The following SPOCK3 variants were observed in gnomAD, a reference collection of about 807,000 sequenced individuals.
SPOCK3 encodes SPARC (osteonectin), cwcv and kazal like domains proteoglycan 3, also known as testican-3.
SPOCK3 carries 30 observed loss-of-function variants against 56.6 expected under a neutral mutation model. The observed-to-expected ratio is 0.53, with a 90% confidence interval of 0.40 to 0.72. SPOCK3 has a LOEUF of 0.72. Ranked by LOEUF, SPOCK3 falls within the 30% of genes least tolerant of loss-of-function variation. SPOCK3 has a pLI of 0.00. For missense variants in SPOCK3, 527 were observed against 530.0 expected (o/e 0.99, Z 0.06); for synonymous variants, 196 against 183.3 (o/e 1.07, Z -0.56).
intron 4 of SPOCK3, among the ~76,000 whole-genome samples, chr4:166,969,958 T>G (rs1745201623): frequency 6.6e-6 from 1 of 152,200 alleles, no homozygotes; most frequent in Non-Finnish European, 1.5e-5. Flanking sequence ...TTTTTCTATG[T>G]CAATATACAC....
intron 7 of SPOCK3, among the ~76,000 whole-genome samples, chr4:166,784,726 A>G (rs1173267842): frequency 6.6e-6 from 1 of 152,138 alleles, no homozygotes. Flanking sequence ...AGTGAGCAGT[A>G]TCTTGGTAAG....
At chr4:166,764,642 A>G (rs1737731750) in intron 7 of SPOCK3, among the ~76,000 whole-genome samples, 1 of 152,176 alleles carries the variant, frequency 6.6e-6, no homozygotes, top group Non-Finnish European at 1.5e-5. Flanking sequence ...TAGTGCTGCA[A>G]TAAACATACA....
chr4:167,182,148 C>G (rs563047368), intron 2 of SPOCK3, among the ~76,000 whole-genome samples: 2 of 152,188 alleles, frequency 1.3e-5, no homozygotes, highest in East Asian at 3.9e-4. Flanking sequence ...CTGTTTACAA[C>G]AAAATATTAG....
At position 166,977,694 on chromosome 4, in the gene SPOCK3, A is replaced by G. The variant is rs193284387; in HGVS notation, c.350+22655T>C. Among the ~76,000 whole-genome samples the G allele has an allele frequency of 1.0e-3, 154 of 152,256 alleles. 1 individual carries two copies. The highest frequency in any genetic ancestry group is 5.3e-4 in the Non-Finnish European group (36 of 67,974). On this transcript the variant is annotated intron_variant, in intron 4 of 10. Coordinates refer to ENST00000357545, the MANE Select transcript of SPOCK3 (RefSeq NM_001040159.2). The stretch of plus-strand genomic sequence containing the variant: ...AGATAAGTCAGAATGAGCATTCTAG[A>G]GTAAGTCATTTAAACCTAATGCTTC...
chr4:166,924,537 C>T (rs1329811790), intron 4 of SPOCK3, among the ~76,000 whole-genome samples: 10 of 152,200 alleles, frequency 6.6e-5, no homozygotes, highest in Non-Finnish European at 4.4e-5. Context: ...GTCTCTCTTG[C>T]CCTTCTGACA....
chr4:166,872,041 C>A (rs1361846618), intron 6 of SPOCK3, among the ~76,000 whole-genome samples: 1 of 76,606 alleles, frequency 1.3e-5, no homozygotes, highest in African/African-American at 3.6e-5. Context: ...CACACACACA[C>A]AAACACACAA....
intron 7 of SPOCK3, among the ~76,000 whole-genome samples, chr4:166,774,526 G>A (rs1026104479): frequency 3.9e-5 from 6 of 152,110 alleles, no homozygotes; most frequent in Admixed American, 1.3e-4. Flanking sequence ...CAGCCATCTC[G>A]GGCAGAATGT....
chr4:167,057,900 T>C (rs1332260550), intron 3 of SPOCK3, among the ~76,000 whole-genome samples: 4 of 152,108 alleles, frequency 2.6e-5, no homozygotes, highest in Non-Finnish European at 5.9e-5. Context: ...TTAACAAGGA[T>C]ACCCAGGAGT....
chr4:166,950,149 TAA>T (rs1742364585), intron 4 of SPOCK3, among the ~76,000 whole-genome samples: 1 of 151,532 alleles, frequency 6.6e-6, no homozygotes, highest in African/African-American at 2.4e-5. Context: ...GCAAATTGGA[TAA>T]AGAGTCAAGA....
chr4:166,928,795 C>T (rs1739402285), intron 4 of SPOCK3, among the ~76,000 whole-genome samples: 1 of 152,016 alleles, frequency 6.6e-6, no homozygotes, highest in Non-Finnish European at 1.5e-5. Context: ...TGGTGAAGCC[C>T]CATCTTTACT....
Position 167,157,617 on chromosome 4 carries a change from T to TA in SPOCK3, c.189+76367_189+76368insT, listed in dbSNP as rs554599823. 1.1e-3 allele frequency among the ~76,000 whole-genome samples: 163 copies of TA among 145,234 alleles called. 2 individuals carry two copies. Among genetic ancestry groups the TA allele is most frequent in the South Asian group, 1.7e-3 (8 of 4,584 alleles). On this transcript the variant is annotated intron_variant, in intron 2 of 10. Transcript: ENST00000357545. Reference sequence around the variant, plus strand: ...CATTTTCAGATAGGAAAGGTTTTTTTTAAAAAAAAAAACACAATAAATCAT... The same window carrying TA: ...CATTTTCAGATAGGAAAGGTTTTTTTATAAAAAAAAAAACACAATAAATCAT...
intron 6 of SPOCK3, among the ~76,000 whole-genome samples, chr4:166,847,681 A>ATATATAT (rs1560926812): frequency 3.8e-4 from 35 of 91,182 alleles, no homozygotes; most frequent in South Asian, 7.5e-4. Flanking sequence ...ATATATATAT[A>ATATATAT]AGAATCATGT....
intron 2 of SPOCK3, among the ~76,000 whole-genome samples, chr4:167,163,167 T>TAA: frequency 2.0e-5 from 1 of 50,130 alleles, no homozygotes; most frequent in African/African-American, 5.1e-5. Context: ...TGTTGGGGGA[T>TAA]TTTTTTTTTT....
rs1041284908 is a variant in SPOCK3, at chr4:167,073,613, C to T, written c.190-11076G>A. ...TTGAGTCCTTTATTGTGATTAATAC[C>T]TGTGAATACCTTCTTTGAACATATC... On this transcript the variant is annotated intron_variant, in intron 2 of 10. Transcript: ENST00000357545. Among the ~76,000 whole-genome samples, 6 of 151,884 alleles carry T rather than the reference C, an allele frequency of 4.0e-5. No individual in the cohort carries two copies. In the East Asian group the frequency reaches 1.2e-3, roughly 30 times the overall value.
At chr4:167,051,350 G>C (rs1754181357) in intron 3 of SPOCK3, among the ~76,000 whole-genome samples, 1 of 152,176 alleles carries the variant, frequency 6.6e-6, no homozygotes, top group Non-Finnish European at 1.5e-5. Flanking sequence ...TGTATGTCCA[G>C]AGTTTTTTCA....
chr4:167,032,732 G>T (rs534953390), intron 3 of SPOCK3, among the ~76,000 whole-genome samples: 19 of 151,876 alleles, frequency 1.3e-4, no homozygotes, highest in Admixed American at 1.1e-3. Flanking sequence ...AGAAAAAAAG[G>T]CATAGAAGGG....
At chr4:166,949,642 T>C (rs576945549) in intron 4 of SPOCK3, among the ~76,000 whole-genome samples, 1 of 152,208 alleles carries the variant, frequency 6.6e-6, no homozygotes, top group East Asian at 1.9e-4. Flanking sequence ...ACAGCGGTGT[T>C]TGCAGAACAG....
intron 8 of SPOCK3, among the ~76,000 whole-genome samples, chr4:166,752,460 G>T (rs780860125): frequency 2.0e-5 from 3 of 151,650 alleles, no homozygotes; most frequent in Non-Finnish European, 2.9e-5. Flanking sequence ...GCAGTTTTAA[G>T]TAAGCCTAGA....
intron 4 of SPOCK3, among the ~76,000 whole-genome samples, chr4:166,989,263 C>T (rs1464612825): frequency 1.3e-5 from 2 of 151,918 alleles, no homozygotes; most frequent in East Asian, 1.9e-4. Context: ...GTTTCTCTAT[C>T]GCACACATTA....
Sources: gnomAD v4.1 joint callset for allele counts (sites outside exome capture counted in the v4.1 genomes callset) on GRCh38, gnomAD v4.1.1 for gene constraint, MANE v1.5 for transcripts, NCBI Gene and HGNC (gene_info 2026-07-23, HGNC 2026-07-21) for gene names.